Variants in ANGPT1 observed in about 807,000 individuals in gnomAD.
The protein encoded by ANGPT1 is angiopoietin 1.
Under a neutral mutation model 62.2 loss-of-function variants are expected in ANGPT1, and 17 were observed. The observed-to-expected ratio is 0.27, with a 90% CI of 0.19 to 0.41. ANGPT1 has a LOEUF of 0.41. Among genes scored for constraint, ANGPT1 ranks in the 10% least tolerant of loss-of-function variants. ANGPT1 has a pLI of 1.00. For missense variants in ANGPT1, 478 were observed against 594.9 expected (o/e 0.80, Z 2.04); for synonymous variants, 199 against 198.9 (o/e 1.00, Z 0.00).
intron 3 of ANGPT1, among the ~76,000 whole-genome samples, chr8:107,323,176 T>G (rs1013942505): frequency 2.0e-5 from 3 of 152,128 alleles, no homozygotes; most frequent in Non-Finnish European, 4.4e-5. Context: ...TTAAAAATGA[T>G]AGAGAAAGCA....
chr8:107,393,766 C>T (rs1816880547), intron 1 of ANGPT1, among the ~76,000 whole-genome samples: 1 of 152,152 alleles, frequency 6.6e-6, no homozygotes, highest in Admixed American at 6.6e-5. Flanking sequence ...ACTGAGATTG[C>T]ACCACTGCAC....
At chr8:107,323,545 TA>T (rs1313931749) in intron 3 of ANGPT1, among the ~76,000 whole-genome samples, 1 of 152,064 alleles carries the variant, frequency 6.6e-6, no homozygotes, top group Non-Finnish European at 1.5e-5. Context: ...TTACACAGAT[TA>T]AGAAGTGTGG....
In ANGPT1 at chr8:107,342,888, T is replaced by G. The variant is rs1334006018; in HGVS notation, c.453+4054A>C. Among the ~76,000 whole-genome samples the G allele has an allele frequency of 2.6e-5, 4 of 151,090 alleles. No individual in the cohort carries two copies. In the East Asian group the frequency reaches 7.8e-4, roughly 30 times the overall value. On this transcript the variant is annotated intron_variant, in intron 2 of 8. Coordinates refer to ENST00000517746, the MANE Select transcript of ANGPT1 (RefSeq NM_001146.5). ...TCTTGCTCTGTCAACCATGCTGGAG[T>G]GCAGTGGTGTGATCACAGCTCATTG...
At chr8:107,364,706 G>A (rs1678088552) in intron 1 of ANGPT1, among the ~76,000 whole-genome samples, 1 of 152,220 alleles carries the variant, frequency 6.6e-6, no homozygotes, top group Admixed American at 6.5e-5. Flanking sequence ...CAAAGTGTAA[G>A]TATCTGACAT....
In ANGPT1 at chr8:107,254,361, A is replaced by G. The variant is rs557727782; in HGVS notation, c.1337-2346T>C. 1.7e-4 allele frequency among the ~76,000 whole-genome samples: 26 copies of G among 152,154 alleles called. No homozygotes were observed. The East Asian group carries it at 4.9e-3, about 29-fold the overall frequency. On this transcript the variant is annotated intron_variant, in intron 8 of 8. Coordinates refer to ENST00000517746, the MANE Select transcript of ANGPT1 (RefSeq NM_001146.5). ...CCTTGCCTTCATGAAACTCACTTCT[A>G]ATGGGAGAAACAGATGAATATATGT...
intron 8 of ANGPT1, among the ~76,000 whole-genome samples, chr8:107,260,767 T>G (rs1243279467): frequency 6.6e-6 from 1 of 152,236 alleles, no homozygotes; most frequent in Non-Finnish European, 1.5e-5. Context: ...TTACTTAGAC[T>G]ATTCCAGCCC....
At chr8:107,269,809 T>G (rs892155435) in intron 7 of ANGPT1, among the ~76,000 whole-genome samples, 1 of 151,352 alleles carries the variant, frequency 6.6e-6, no homozygotes, top group Admixed American at 6.6e-5. Context: ...CCATGTATTT[T>G]CTCCTAATAA....
At position 107,366,057 on chromosome 8, in the gene ANGPT1, C is replaced by T. The variant is rs568066406; in HGVS notation, c.298-18960G>A. ...CTTGACTCAATCCATTTTTAATTTT[C>T]TCAACTTACTGTGGTCATAATGTTC... On this transcript the variant is annotated intron_variant, in intron 1 of 8. Coordinates refer to ENST00000517746, the MANE Select transcript of ANGPT1 (RefSeq NM_001146.5). Among the ~76,000 whole-genome samples the T allele has an allele frequency of 7.2e-5, 11 of 152,250 alleles. No homozygotes were observed. The South Asian group carries it at 1.2e-3, about 17-fold the overall frequency.
chr8:107,301,832 C>T (rs775510469), intron 5 of ANGPT1, among the ~76,000 whole-genome samples: 68 of 151,888 alleles, frequency 4.5e-4, no homozygotes, highest in Non-Finnish European at 8.1e-4. Flanking sequence ...AACAACTATT[C>T]ATTACGGAAA....
Position 107,287,246 on chromosome 8 carries a change from G to A in ANGPT1, c.1039-2398C>T, listed in dbSNP as rs142893672. Reference sequence around the variant, plus strand: ...CTCTCCAACTTCCCCAGGGAAACACGCAGTGATCCTGGGTGAGCCTTAGAA... The same window carrying A: ...CTCTCCAACTTCCCCAGGGAAACACACAGTGATCCTGGGTGAGCCTTAGAA... On this transcript the variant is annotated intron_variant, in intron 6 of 8. Transcript: ENST00000517746. Among the ~76,000 whole-genome samples, 15 of 152,270 alleles carry A rather than the reference G, an allele frequency of 9.9e-5. No individual in the cohort carries two copies. The East Asian group carries it at 2.5e-3, about 26-fold the overall frequency.
chr8:107,432,627 G>A (rs1205451013), intron 1 of ANGPT1, among the ~76,000 whole-genome samples: 1 of 148,392 alleles, frequency 6.7e-6, no homozygotes, highest in Non-Finnish European at 1.5e-5. Context: ...TCGAGCCACT[G>A]CACTCCAGCC....
At chr8:107,254,149 C>G (rs1586160982) in intron 8 of ANGPT1, among the ~76,000 whole-genome samples, 1 of 152,128 alleles carries the variant, frequency 6.6e-6, no homozygotes, top group East Asian at 1.9e-4. Flanking sequence ...AACTGATTGA[C>G]TCTCTGATTG....
intron 1 of ANGPT1, among the ~76,000 whole-genome samples, chr8:107,415,092 T>C (rs1230154940): frequency 6.6e-6 from 1 of 152,170 alleles, no homozygotes; most frequent in African/African-American, 2.4e-5. Flanking sequence ...GGAATGTGGG[T>C]TGCATCATTC....
At chr8:107,472,683 A>G (rs1812395133) in intron 1 of ANGPT1, among the ~76,000 whole-genome samples, 1 of 152,138 alleles carries the variant, frequency 6.6e-6, no homozygotes, top group East Asian at 1.9e-4. Flanking sequence ...CATTTCATAG[A>G]CACAGAAATT....
intron 1 of ANGPT1, among the ~76,000 whole-genome samples, chr8:107,457,833 C>CAG (rs1023190369): frequency 7.2e-6 from 1 of 139,484 alleles, no homozygotes; most frequent in Non-Finnish European, 1.5e-5. Context: ...ACTACACACA[C>CAG]ACACACACAC....
At chr8:107,264,985 T>A (rs1207770588) in intron 7 of ANGPT1, among the ~76,000 whole-genome samples, 1 of 152,222 alleles carries the variant, frequency 6.6e-6, no homozygotes, top group Non-Finnish European at 1.5e-5. Context: ...TACCAGTTAT[T>A]GATCTAGGCA....
intron 1 of ANGPT1, among the ~76,000 whole-genome samples, chr8:107,440,280 A>G (rs1811440495): frequency 6.6e-6 from 1 of 152,180 alleles, no homozygotes; most frequent in Admixed American, 6.5e-5. Flanking sequence ...TATTTTAATT[A>G]CATTTTTTTA....
chr8:107,427,829 G>A (rs1004459), intron 1 of ANGPT1, among the ~76,000 whole-genome samples: 10,893 of 152,168 alleles, frequency 0.072, 454 homozygotes, highest in South Asian at 0.15. Context: ...GAGGAGAAAC[G>A]GGAGTTATTA....
At chr8:107,452,034 G>A (rs947914631) in intron 1 of ANGPT1, among the ~76,000 whole-genome samples, 4 of 151,206 alleles carry the variant, frequency 2.6e-5, no homozygotes, top group Admixed American at 1.3e-4. Flanking sequence ...ATGTGTGTTC[G>A]TGTGTACATG....
Sources: gnomAD v4.1 joint callset for allele counts (sites outside exome capture counted in the v4.1 genomes callset) on GRCh38, gnomAD v4.1.1 for gene constraint, MANE v1.5 for transcripts, NCBI Gene and HGNC (gene_info 2026-07-23, HGNC 2026-07-21) for gene names.